ZNF442: variants seen among roughly 807,000 people sequenced by gnomAD.
The protein encoded by ZNF442 is zinc finger protein 442.
In ZNF442, 45 loss-of-function variants were observed where a neutral mutation model predicts 57.0. The observed-to-expected ratio is 0.79, with a 90% CI of 0.62 to 1.01. The LOEUF is 1.01. ZNF442 is among the 50% of genes least tolerant of loss of function. The pLI, the probability that ZNF442 is intolerant of heterozygous loss-of-function variation, is 0.00. For synonymous variants in ZNF442, 213 were observed against 241.8 expected, an observed-to-expected ratio of 0.88 and a Z score of 1.10; for missense variants, 690 against 756.5, an observed-to-expected ratio of 0.91 and a Z score of 1.03.
At chr19:12,367,073 T>C (rs563138170), upstream of ZNF442, among the ~76,000 whole-genome samples, 2 of 152,342 alleles carry the variant, frequency 1.3e-5, no homozygotes, top group South Asian at 2.1e-4. Context: ...AACAAAAGAT[T>C]ACTTCAAAGA....
rs1418716003 is a variant in ZNF442, at chr19:12,351,093, A to C, written c.492T>G (p.Tyr164Ter). The C allele has an allele frequency of 3.7e-6, 6 of 1,614,058 alleles. No individual in the cohort carries two copies. The highest frequency in any genetic ancestry group is 5.1e-6 in the Non-Finnish European group (6 of 1,180,024). ...THKQCGTAFN[Y>*]HHSFQTQERP... is the part of the protein sequence containing the mutation. ...TTTCCTGTGTTTGAAAGGAGTGGTGATAATTGAAGGCTGTCCCACATTGTT... is the reference window on the plus strand; with the variant it reads ...TTTCCTGTGTTTGAAAGGAGTGGTGCTAATTGAAGGCTGTCCCACATTGTT... Residue 164 changes from tyrosine to a stop codon, truncating the protein, a stop_gained, in exon 6 of 6, where the codon TAT (tyrosine) becomes TAG (stop). Coordinates refer to ENST00000242804, the MANE Select transcript of ZNF442 (RefSeq NM_030824.3). LOFTEE classifies it high-confidence loss of function.
In ZNF442 at chr19:12,359,122, A is replaced by G. The variant is rs181316176; in HGVS notation, c.78+4432T>C. 4.6e-5 allele frequency among the ~76,000 whole-genome samples: 7 copies of G among 152,330 alleles called. No individual in the cohort carries two copies. In the East Asian group the frequency reaches 1.3e-3, roughly 29 times the overall value. ...AGCAAATCCAAATACATTTTTTATT[A>G]TATCAAAGACCCAGATAAACTCTCA... is the stretch of plus-strand genomic sequence containing the variant. On this transcript the variant is annotated intron_variant, in intron 3 of 5. Coordinates refer to ENST00000242804, the MANE Select transcript of ZNF442 (RefSeq NM_030824.3).
chr19:12,362,522 G>A lies in ZNF442; in HGVS notation c.78+1032C>T, dbSNP rs548363599. Among the ~76,000 whole-genome samples, 835 of 151,668 alleles carry A rather than the reference G, an allele frequency of 5.5e-3. 6 individuals are homozygous for A. Among genetic ancestry groups the A allele is most frequent in the Non-Finnish European group, 6.9e-3 (469 of 67,856 alleles). ...TGGGAAGTGAGGAATGTCTCCGCCC[G>A]GCAGCCGCCCCCTCCAGGAGGTGGG... On this transcript the variant is annotated intron_variant, in intron 3 of 5. Transcript: ENST00000242804.
chr19:12,365,979 T>G (rs1484974257), upstream of ZNF442: 1 of 152,310 alleles, frequency 6.6e-6, no homozygotes, highest in Non-Finnish European at 1.5e-5. Context: ...CACAAGTGTG[T>G]GCTGGGAATT....
At chr19:12,358,355 C>T (rs79540835) in intron 3 of ZNF442, among the ~76,000 whole-genome samples, 7,351 of 152,236 alleles carry the variant, frequency 0.048, 589 homozygotes, top group African/African-American at 0.17. Flanking sequence ...TCCATCCTTG[C>T]TGTCACAAAG....
chr19:12,349,920 C>A lies in ZNF442; in HGVS notation c.1665G>T (p.Trp555Cys). 1.2e-6 allele frequency: 2 copies of A among 1,613,960 alleles called. No homozygotes were observed. The highest frequency in any genetic ancestry group is 1.7e-6 in the Non-Finnish European group (2 of 1,179,986). The change falls in exon 6 of 6, where the codon TGG becomes TGT. Residue 555 changes from tryptophan (W) to cysteine (C), a missense_variant. Transcript: ENST00000242804. ...TTTCATGTCGCAGAAGGCAAGTGAG[C>A]CAAGAGAATGCTTTCCTGCATTCCT... ...ECKECRKAFS[W>C]LTCLLRHERI... is the part of the protein sequence containing the mutation.
intron 2 of ZNF442, among the ~76,000 whole-genome samples, chr19:12,364,407 C>CAAAAAAAAAAAA (rs35227073): frequency 7.5e-5 from 7 of 93,132 alleles, no homozygotes; most frequent in African/African-American, 2.8e-4. Flanking sequence ...AACTCCATCT[C>CAAAAAAAAAAAA]AAAAAAAAAA....
chr19:12,368,523 T>C (rs933406560), upstream of ZNF442, among the ~76,000 whole-genome samples: 1 of 152,186 alleles, frequency 6.6e-6, no homozygotes, highest in African/African-American at 2.4e-5. Flanking sequence ...GACTACAAGA[T>C]TGACTGCAAC....
intron 3 of ZNF442, among the ~76,000 whole-genome samples, chr19:12,353,500 ATCCT>A (rs1969278126): frequency 6.6e-6 from 1 of 152,182 alleles, no homozygotes; most frequent in African/African-American, 2.4e-5. Context: ...ACAAAATTGG[ATCCT>A]TCGTGTACTC....
At chr19:12,366,814 T>C (rs1366565196), upstream of ZNF442, among the ~76,000 whole-genome samples, 1 of 152,148 alleles carries the variant, frequency 6.6e-6, no homozygotes, top group Non-Finnish European at 1.5e-5. Context: ...TTTTGTATTT[T>C]AGTAGAGACA....
chr19:12,356,983 C>T (rs111916481), intron 3 of ZNF442, among the ~76,000 whole-genome samples: 4 of 152,224 alleles, frequency 2.6e-5, no homozygotes, highest in African/African-American at 9.6e-5. Context: ...AGAATATTTT[C>T]AACAACATCA....
intron 3 of ZNF442, among the ~76,000 whole-genome samples, chr19:12,360,886 AT>A (rs1422434878): frequency 6.6e-6 from 1 of 152,164 alleles, no homozygotes; most frequent in African/African-American, 2.4e-5. Context: ...TCTCAAAAAA[AT>A]AAAAAAATAA....
intron 3 of ZNF442, among the ~76,000 whole-genome samples, chr19:12,355,728 G>A (rs889214065): frequency 6.6e-6 from 1 of 151,600 alleles, no homozygotes; most frequent in African/African-American, 2.4e-5. Flanking sequence ...AGCACTTTGA[G>A]AGGCCAAGGC....
At position 12,353,904 on chromosome 19, in the gene ZNF442, G is replaced by A. The variant is rs573746487; in HGVS notation, c.79-790C>T. ...TGAGAAGAGAAAGAGACCTGGGCTA[G>A]ACACTCAGCTCCCTCATCACATGAC... On this transcript the variant is annotated intron_variant, in intron 3 of 5. Transcript: ENST00000242804. 2.0e-5 allele frequency among the ~76,000 whole-genome samples: 3 copies of A among 152,270 alleles called. No individual in the cohort carries two copies. In the South Asian group the frequency reaches 6.2e-4, roughly 32 times the overall value.
At chr19:12,373,608 C>G in the ZNF442 span, 1 of 230,878 alleles carries the variant, frequency 4.3e-6, no homozygotes, top group African/African-American at 2.3e-5. Context: ...CTGGAGACAC[C>G]GGTTCTCACT....
chr19:12,362,564 G>C (rs1969451514), intron 3 of ZNF442, among the ~76,000 whole-genome samples: 1 of 149,208 alleles, frequency 6.7e-6, no homozygotes, highest in Non-Finnish European at 1.5e-5. Flanking sequence ...CTCCCGCCCG[G>C]CCAGCCACCC....
chr19:12,352,195 A>T, intron 4 of ZNF442, 125 bp from the exon 5 acceptor site: 1 of 860,912 alleles, frequency 1.2e-6, no homozygotes. Context: ...CTTGAACAAC[A>T]TAGGTTTGTA....
intron 3 of ZNF442, 92 bp downstream of exon 3, chr19:12,363,462 A>T: frequency 8.1e-7 from 1 of 1,241,426 alleles, no homozygotes; most frequent in South Asian, 1.2e-5. Flanking sequence ...ACCCCAGGAG[A>T]TACTTCACTG....
upstream of ZNF442, among the ~76,000 whole-genome samples, chr19:12,366,716 C>T (rs914136612): frequency 3.3e-5 from 5 of 152,224 alleles, no homozygotes; most frequent in African/African-American, 1.2e-4. Flanking sequence ...CTGCAACCTC[C>T]GCCTCCCAAG....
Sources: allele counts gnomAD v4.1 joint callset (sites outside exome capture counted in the v4.1 genomes callset), GRCh38; gene constraint gnomAD v4.1.1; transcripts MANE v1.5; gene names NCBI Gene and HGNC (gene_info 2026-07-23, HGNC 2026-07-21).